The following RBFOX3 variants were observed in gnomAD, a reference collection of about 807,000 sequenced individuals.
RBFOX3 encodes RNA binding protein fox-1 homolog 3.
Under a neutral mutation model 48.7 loss-of-function variants are expected in RBFOX3, and 17 were observed. The observed-to-expected ratio is 0.35, with a 90% confidence interval of 0.24 to 0.52. The LOEUF is 0.52. RBFOX3 is among the 20% of genes least tolerant of loss of function. RBFOX3 has a pLI of 0.94. For missense variants in RBFOX3, 382 were observed against 497.5 expected (o/e 0.77, Z 2.21); for synonymous variants, 212 against 209.5 (o/e 1.01, Z -0.10).
chr17:79,106,408 C>T (rs2077374642), intron 6 of RBFOX3, among the ~76,000 whole-genome samples: 1 of 152,084 alleles, frequency 6.6e-6, no homozygotes. Context: ...GGGGCAGCCG[C>T]AACAGATCCC....
rs969658454 is a variant in RBFOX3 at position 79,591,527 on chromosome 17, C to T, written c.-320+19299G>A. The stretch of plus-strand genomic sequence containing the variant: ...CTGAAGTGATAAAAGCCAGGCACAG[C>T]GCCAAAGGTCCCAGCAGAAGGTGGC... On this transcript the variant is annotated intron_variant, in intron 1 of 14. Transcript: ENST00000693108. Among the ~76,000 whole-genome samples the T allele has an allele frequency of 3.2e-3, 484 of 152,294 alleles. 1 individual carries two copies. The highest frequency in any genetic ancestry group is 0.01 in the African/African-American group (424 of 41,562).
intron 3 of RBFOX3, among the ~76,000 whole-genome samples, chr17:79,303,457 C>T (rs1049896904): frequency 2.0e-5 from 3 of 151,976 alleles, no homozygotes; most frequent in Non-Finnish European, 2.9e-5. Context: ...CCCTCAGGTG[C>T]GGAGCCTGCA....
At chr17:79,371,382 C>T (rs961230221) in intron 2 of RBFOX3, among the ~76,000 whole-genome samples, 1 of 152,246 alleles carries the variant, frequency 6.6e-6, no homozygotes, top group African/African-American at 2.4e-5. Flanking sequence ...GGGCTTCCGT[C>T]TTCCTCAGCT....
chr17:79,313,616 A>G (rs2077143314), intron 2 of RBFOX3, among the ~76,000 whole-genome samples: 1 of 152,160 alleles, frequency 6.6e-6, no homozygotes, highest in African/African-American at 2.4e-5. Context: ...GCGGGACCTC[A>G]TCTTTTCTTC....
chr17:79,312,962 T>C (rs1384202152), intron 2 of RBFOX3, among the ~76,000 whole-genome samples: 2 of 152,136 alleles, frequency 1.3e-5, no homozygotes, highest in African/African-American at 4.8e-5. Flanking sequence ...TCATTAACCC[T>C]TCCAGTGACC....
intron 3 of RBFOX3, among the ~76,000 whole-genome samples, chr17:79,288,423 C>A (rs575216280): frequency 7.0e-4 from 106 of 152,182 alleles, no homozygotes; most frequent in Non-Finnish European, 1.4e-3. Context: ...CTTCTGCAGG[C>A]TGGACTTCCT....
intron 1 of RBFOX3, among the ~76,000 whole-genome samples, chr17:79,569,820 G>A (rs1845738544): frequency 6.6e-6 from 1 of 152,340 alleles, no homozygotes; most frequent in Admixed American, 6.5e-5. Context: ...ATGAATTATG[G>A]ATGGATGGTG....
intron 1 of RBFOX3, among the ~76,000 whole-genome samples, chr17:79,537,549 G>A (rs1453165872): frequency 1.3e-5 from 2 of 152,090 alleles, no homozygotes; most frequent in African/African-American, 2.4e-5. Context: ...CACTCCTCCT[G>A]GGCCATGCTA....
chr17:79,309,445 C>T (rs1275633524), intron 2 of RBFOX3, among the ~76,000 whole-genome samples: 4 of 152,144 alleles, frequency 2.6e-5, no homozygotes, highest in Admixed American at 2.6e-4. Context: ...CCCTCTGCCC[C>T]ACCCATGGGG....
intron 1 of RBFOX3, among the ~76,000 whole-genome samples, chr17:79,507,149 C>T (rs1042614775): frequency 6.6e-6 from 1 of 152,150 alleles, no homozygotes; most frequent in Non-Finnish European, 1.5e-5. Context: ...CAGCCCCATT[C>T]TCCACACCCT....
Position 79,454,099 on chromosome 17 carries a change from G to A in RBFOX3, c.-175+28355C>T, listed in dbSNP as rs537124190. 2.0e-4 allele frequency among the ~76,000 whole-genome samples: 31 copies of A among 152,210 alleles called. No homozygotes were observed. In the South Asian group the frequency reaches 4.1e-3, roughly 20 times the overall value. On this transcript the variant is annotated intron_variant, in intron 2 of 14. Transcript: ENST00000693108. Reference sequence around the variant, plus strand: ...CAGATGCGCCAGGGGAGGCAATGCCGTCTGGAGCCCTGCCCCATCACCTCT... The same window carrying A: ...CAGATGCGCCAGGGGAGGCAATGCCATCTGGAGCCCTGCCCCATCACCTCT...
chr17:79,561,204 A>T (rs968320478), intron 1 of RBFOX3, among the ~76,000 whole-genome samples: 8 of 152,270 alleles, frequency 5.3e-5, no homozygotes, highest in African/African-American at 9.6e-5. Context: ...TTGCCATTTT[A>T]AAAAAGTCAC....
chr17:79,573,841 C>T (rs1167474745), intron 1 of RBFOX3, among the ~76,000 whole-genome samples: 1 of 152,178 alleles, frequency 6.6e-6, no homozygotes, highest in Non-Finnish European at 1.5e-5. Flanking sequence ...AGCAGAGCCA[C>T]GCGGGCACGT....
chr17:79,549,922 C>T (rs1198053682), intron 1 of RBFOX3, among the ~76,000 whole-genome samples: 3 of 152,176 alleles, frequency 2.0e-5, no homozygotes, highest in Non-Finnish European at 4.4e-5. Context: ...CCTTCATGTT[C>T]TGGGAAGACC....
intron 3 of RBFOX3, among the ~76,000 whole-genome samples, chr17:79,246,812 A>G (rs974706868): frequency 1.3e-5 from 2 of 151,848 alleles, no homozygotes; most frequent in Non-Finnish European, 2.9e-5. Flanking sequence ...GTTGCAGGGG[A>G]TGCTGGGTTT....
At chr17:79,420,693 G>C (rs996643408) in intron 2 of RBFOX3, among the ~76,000 whole-genome samples, 1 of 152,222 alleles carries the variant, frequency 6.6e-6, no homozygotes, top group Non-Finnish European at 1.5e-5. Context: ...TCGGCCACCC[G>C]AGGGGAGGGT....
Position 79,129,644 on chromosome 17 carries a change from T to G in RBFOX3, c.-33-13896A>C, listed in dbSNP as rs370616207. On this transcript the variant is annotated intron_variant, in intron 4 of 14. Coordinates refer to ENST00000693108, the MANE Select transcript of RBFOX3 (RefSeq NM_001350451.2). The stretch of plus-strand genomic sequence containing the variant: ...CACCATAGCCTCTGTAGGGGCTGAC[T>G]CAGGACCTCCCCTGCCCCAATGGGG... Among the ~76,000 whole-genome samples, 14 of 152,326 alleles carry G rather than the reference T, an allele frequency of 9.2e-5. No individual in the cohort carries two copies. The East Asian group carries it at 2.3e-3, about 25-fold the overall frequency.
chr17:79,091,910 C>T (rs2073986601), intron 14 of RBFOX3: 3 of 964,218 alleles, frequency 3.1e-6, no homozygotes, highest in East Asian at 2.3e-4. Flanking sequence ...GCAGTTTGCA[C>T]ACCACGCGAC....
At chr17:79,110,598 G>A (rs2707031) in intron 5 of RBFOX3, among the ~76,000 whole-genome samples, 1 of 152,094 alleles carries the variant, frequency 6.6e-6, no homozygotes, top group East Asian at 1.9e-4. Flanking sequence ...ACTCAGGCAA[G>A]GACCTGCCTT....
Sources: gnomAD v4.1 joint callset for allele counts (sites outside exome capture counted in the v4.1 genomes callset) on GRCh38, gnomAD v4.1.1 for gene constraint, MANE v1.5 for transcripts, NCBI Gene and HGNC (gene_info 2026-07-23, HGNC 2026-07-21) for gene names.